The following GSE1 variants were observed in gnomAD, a reference collection of about 807,000 sequenced individuals.
GSE1 encodes the protein Gse1 coiled-coil protein, also known as genetic suppressor element 1.
GSE1 carries 32 observed loss-of-function variants against 112.6 expected under a neutral mutation model. The observed-to-expected ratio is 0.28, with a 90% CI of 0.21 to 0.38. The LOEUF (loss-of-function observed/expected upper bound fraction) is 0.38. Among genes scored for constraint, GSE1 ranks in the 10% least tolerant of loss-of-function variants. The probability of loss-of-function intolerance (pLI) is 1.00; values close to 1 mark genes in which losing one functional copy is unlikely to be tolerated. For synonymous variants in GSE1, 1,115 were observed against 735.6 expected (o/e 1.52, Z -8.35); for missense variants, 2,348 against 1,699.2 (o/e 1.38, Z -6.71).
chr16:85,250,052 C>G (rs1306572734), intron 1 of GSE1, among the ~76,000 whole-genome samples: 1 of 152,252 alleles, frequency 6.6e-6, no homozygotes. Context: ...CAGCATCCGC[C>G]TGGCTCCTGC....
At chr16:85,190,634 G>A (rs971724069) in intron 1 of GSE1, among the ~76,000 whole-genome samples, 10 of 152,272 alleles carry the variant, frequency 6.6e-5, no homozygotes, top group Non-Finnish European at 1.3e-4. Context: ...CCACCAATAC[G>A]GAGGACTTGC....
intron 1 of GSE1, among the ~76,000 whole-genome samples, chr16:85,310,188 C>A (rs767495596): frequency 6.6e-6 from 1 of 152,160 alleles, no homozygotes; most frequent in Non-Finnish European, 1.5e-5. Context: ...GGCGCCCCCA[C>A]GCCCTGACCC....
chr16:85,634,628 C>A (rs11643518), intron 2 of GSE1, among the ~76,000 whole-genome samples: 1 of 151,914 alleles, frequency 6.6e-6, no homozygotes, highest in Non-Finnish European at 1.5e-5. Context: ...TGCTCAACTC[C>A]CTGAGGCAGA....
chr16:85,247,245 T>C (rs1034489002), intron 1 of GSE1, among the ~76,000 whole-genome samples: 3 of 152,200 alleles, frequency 2.0e-5, no homozygotes, highest in Non-Finnish European at 4.4e-5. Context: ...CTGTCCATGC[T>C]CTGTCCCCAG....
intron 10 of GSE1, 116 bp downstream of exon 10, chr16:85,663,209 C>G: frequency 7.8e-7 from 1 of 1,282,988 alleles, no homozygotes; most frequent in African/African-American, 1.5e-5. Context: ...GCGGGTTCGC[C>G]CCATGAAGCT....
chr16:85,640,917 G>C (rs2050392062), intron 2 of GSE1, among the ~76,000 whole-genome samples: 1 of 151,918 alleles, frequency 6.6e-6, no homozygotes, highest in African/African-American at 2.4e-5. Flanking sequence ...CAGAGGGCTG[G>C]TGGTCAGGGG....
chr16:85,293,514 C>G (rs1433534780), intron 1 of GSE1, among the ~76,000 whole-genome samples: 1 of 152,130 alleles, frequency 6.6e-6, no homozygotes. Context: ...CCCCTGCATT[C>G]CAGCCCAGGG....
upstream of GSE1, chr16:85,555,872 C>A: frequency 3.5e-6 from 3 of 868,626 alleles, no homozygotes; most frequent in Non-Finnish European, 4.1e-6. Flanking sequence ...CTTAACCCCC[C>A]AATTTCATCA....
intron 2 of GSE1, among the ~76,000 whole-genome samples, chr16:85,475,914 G>T (rs1419496359): frequency 6.6e-6 from 1 of 151,464 alleles, no homozygotes; most frequent in East Asian, 1.9e-4. Context: ...GTGAGCCATC[G>T]CAGCGGCCAC....
chr16:85,624,070 G>A (rs2048910607), intron 1 of GSE1, among the ~76,000 whole-genome samples: 2 of 152,296 alleles, frequency 1.3e-5, no homozygotes, highest in South Asian at 2.1e-4. Context: ...AGAGGGGCCT[G>A]CATTTCGTGG....
chr16:85,409,323 T>A (rs1412183256), intron 2 of GSE1, among the ~76,000 whole-genome samples: 15 of 43,326 alleles, frequency 3.5e-4, no homozygotes, highest in African/African-American at 1.3e-3. Flanking sequence ...CGGATAATCC[T>A]CACTGTTACA....
intron 2 of GSE1, among the ~76,000 whole-genome samples, chr16:85,637,151 C>G (rs1269712555): frequency 1.3e-5 from 2 of 152,234 alleles, no homozygotes; most frequent in Non-Finnish European, 2.9e-5. Flanking sequence ...CTAAGAGAAC[C>G]TCGGTTGCAT....
At chr16:85,524,096 C>T (rs537681934) in intron 2 of GSE1, among the ~76,000 whole-genome samples, 29 of 152,274 alleles carry the variant, frequency 1.9e-4, no homozygotes, top group South Asian at 4.1e-4. Flanking sequence ...CTCTGACTTC[C>T]GGGGCCCAGG....
chr16:85,474,274 G>A (rs1043952673), intron 2 of GSE1, among the ~76,000 whole-genome samples: 2 of 152,074 alleles, frequency 1.3e-5, no homozygotes, highest in East Asian at 3.9e-4. Flanking sequence ...CCTCCACCCC[G>A]CCGGCCCGTG....
intron 1 of GSE1, among the ~76,000 whole-genome samples, chr16:85,625,240 C>T (rs2048992370): frequency 6.6e-6 from 1 of 152,224 alleles, no homozygotes; most frequent in Non-Finnish European, 1.5e-5. Context: ...TCTCCGCACA[C>T]ACAGCAGCCG....
In GSE1 at chr16:85,364,857, C is replaced by T. The variant is rs56924595; in HGVS notation, c.2464+7214C>T. Among the ~76,000 whole-genome samples the T allele has an allele frequency of 9.7e-3, 1,478 of 152,318 alleles. 25 individuals are homozygous for T. The highest frequency in any genetic ancestry group is 0.034 in the African/African-American group (1,403 of 41,572). ...AGCCCTGCCATTCTGCTGGGCGGTT[C>T]GTCCATGGTCCCACAGTCCCTGAGA... On this transcript the variant is annotated intron_variant, in intron 2 of 2. Transcript: ENST00000637419.
Position 85,671,098 on chromosome 16 carries a change from G to T in GSE1, c.3519G>T (p.Ala1173=), listed in dbSNP as rs544100517. The T allele has an allele frequency of 3.8e-6, 6 of 1,577,832 alleles. No individual in the cohort carries two copies. The highest frequency in any genetic ancestry group is 5.2e-6 in the Non-Finnish European group (6 of 1,147,248). Residue 1173 remains alanine (A), a splice_region_variant and synonymous_variant, in exon 15 of 16, where the codon GCG becomes GCT. Transcript: ENST00000253458. The part of the protein sequence containing the change: ...LTAEQLSHSV[A]ELRSQKQKMV... ...CAGAGCAGCTCTCCCACAGCGTGGC[G>T]GTGAGTTGGGAAGGGATGGAAACCT...
At chr16:85,551,068 G>A (rs1008229984), upstream of GSE1, among the ~76,000 whole-genome samples, 23 of 152,128 alleles carry the variant, frequency 1.5e-4, no homozygotes, top group Non-Finnish European at 2.6e-4. Flanking sequence ...GCCCCTTGGC[G>A]TCCCCAGTCT....
At chr16:85,314,084 AT>A (rs933895307) in intron 1 of GSE1, among the ~76,000 whole-genome samples, 1 of 150,896 alleles carries the variant, frequency 6.6e-6, no homozygotes, top group African/African-American at 2.4e-5. Flanking sequence ...AGCCATTTGT[AT>A]GTGTGTGTGA....
Sources: allele counts gnomAD v4.1 joint callset (sites outside exome capture counted in the v4.1 genomes callset), GRCh38; gene constraint gnomAD v4.1.1; transcripts MANE v1.5; gene names NCBI Gene and HGNC (gene_info 2026-07-23, HGNC 2026-07-21).